SVOP: variants seen among roughly 807,000 people sequenced by gnomAD.
SVOP encodes the protein SV2 related protein.
SVOP carries 17 observed loss-of-function variants against 69.1 expected under a neutral mutation model. The ratio of observed to expected loss-of-function variants is 0.25; its 90% confidence interval spans 0.17 to 0.37. SVOP has a LOEUF of 0.37. Ranked by LOEUF, SVOP falls within the 10% of genes least tolerant of loss-of-function variation. The pLI, the probability that SVOP is intolerant of heterozygous loss-of-function variation, is 1.00. For missense variants in SVOP, 435 were observed against 597.5 expected (o/e 0.73, Z 2.84); for synonymous variants, 238 against 238.6 (o/e 1.00, Z 0.02).
Position 108,972,485 on chromosome 12 carries a change from G to C in SVOP, c.382-9C>G. The C allele has an allele frequency of 6.5e-7, 1 of 1,537,152 alleles. No individual in the cohort carries two copies. On this transcript the variant is annotated splice_polypyrimidine_tract_variant and intron_variant, in intron 4 of 15. Transcript: ENST00000610966. ...ATGCCTACAAAGACCACCTGTGGGG[G>C]GAAAGACAGTTGTCATTAGACAGAG...
At chr12:108,965,335 A>C (rs373172214) in intron 5 of SVOP, among the ~76,000 whole-genome samples, 63 of 152,330 alleles carry the variant, frequency 4.1e-4, no homozygotes, top group African/African-American at 1.5e-3. Context: ...CCAACCTTGA[A>C]TGAGCCACTC....
chr12:108,934,244 C>T lies in SVOP; in HGVS notation c.999G>A (p.Gly333=), dbSNP rs2039842400. The change falls in exon 11 of 16, where the codon GGG becomes GGA. Residue 333 remains glycine (G), a synonymous_variant. Transcript: ENST00000610966. ...AGAGTTCTGTGGTGAGTAGAACTAA[C>T]CCGTAGTAAGAGAATGCATTGGAAA... ...IWFSNAFSYY[G]LVLLTTELFQ... is the part of the protein sequence containing the mutation. 6.2e-7 allele frequency: 1 copy of T among 1,606,412 alleles called. No homozygotes were observed. Among genetic ancestry groups the T allele is most frequent in the Admixed American group, 1.7e-5 (1 of 58,886 alleles).
Position 108,910,226 on chromosome 12 carries a change from T to A in SVOP, c.*2309A>T, listed in dbSNP as rs903749495. 3 of 152,340 alleles carry A rather than the reference T, an allele frequency of 2.0e-5. No individual in the cohort carries two copies. Among genetic ancestry groups the A allele is most frequent in the Non-Finnish European group, 4.4e-5 (3 of 68,152 alleles). 9.4% of individuals were successfully genotyped at this position (152,340 alleles called of 1,614,324 possible). On this transcript the variant is annotated 3_prime_UTR_variant, in exon 16 of 16. Transcript: ENST00000610966. The stretch of plus-strand genomic sequence containing the variant: ...ATCCGCCCGCCTCGGCCTCCAAAAG[T>A]GCTGGGATTATAGGCATGAGCCACC...
At chr12:108,925,423 C>T (rs1452271733) in intron 11 of SVOP, among the ~76,000 whole-genome samples, 1 of 152,194 alleles carries the variant, frequency 6.6e-6, no homozygotes, top group Non-Finnish European at 1.5e-5. Context: ...TCCAACTAGT[C>T]TACCTGCTTC....
chr12:108,977,301 T>C (rs2137433976), intron 4 of SVOP, 97 bp downstream of exon 4: 3 of 1,415,924 alleles, frequency 2.1e-6, no homozygotes, highest in Non-Finnish European at 2.8e-6. Context: ...AATTCTTTTC[T>C]GCTGAGCCTT....
intron 5 of SVOP, among the ~76,000 whole-genome samples, chr12:108,969,344 C>A (rs1457868737): frequency 2.1e-5 from 3 of 144,230 alleles, no homozygotes; most frequent in African/African-American, 5.1e-5. Flanking sequence ...TCCTACCTCG[C>A]TCTCTTTCTC....
At chr12:108,955,831 T>C (rs1005837336) in intron 6 of SVOP, among the ~76,000 whole-genome samples, 1 of 152,188 alleles carries the variant, frequency 6.6e-6, no homozygotes, top group Admixed American at 6.5e-5. Flanking sequence ...TGTCATTTAA[T>C]GACTATTTTA....
At chr12:108,937,557 G>C (rs1233976089) in intron 9 of SVOP, among the ~76,000 whole-genome samples, 2 of 152,134 alleles carry the variant, frequency 1.3e-5, no homozygotes, top group Non-Finnish European at 2.9e-5. Context: ...CCACAGGATG[G>C]ATCTCACGCC....
intron 1 of SVOP, among the ~76,000 whole-genome samples, chr12:109,006,185 T>C (rs11065632): frequency 0.56 from 85,602 of 151,912 alleles, 28,352 homozygotes; most frequent in Middle Eastern, 0.75. Context: ...CCCAAGTAGC[T>C]GGGATTACAG....
At chr12:108,941,174 T>C (rs1420240490) in intron 7 of SVOP, among the ~76,000 whole-genome samples, 1 of 152,128 alleles carries the variant, frequency 6.6e-6, no homozygotes, top group African/African-American at 2.4e-5. Flanking sequence ...GTTAAGGAGA[T>C]CAATGTGACC....
Position 108,960,973 on chromosome 12 carries a change from G to A in SVOP, c.528C>T (p.Ile176=), listed in dbSNP as rs1428312673. The change falls in exon 6 of 16, where the codon ATC becomes ATT. Residue 176 remains isoleucine (I), a synonymous_variant. Coordinates refer to ENST00000610966, the MANE Select transcript of SVOP (RefSeq NM_018711.5). ...LSAFAPVYSW[I]LVLRGLVGFG... is the part of the protein sequence containing the mutation. ...AGCCCACCAGGCCCCGGAGCACCAG[G>A]ATCCAGCTATACACGGGCGCAAATG... 2 of 1,536,954 alleles carry A rather than the reference G, an allele frequency of 1.3e-6. No individual in the cohort carries two copies. The highest frequency in any genetic ancestry group is 1.7e-6 in the Non-Finnish European group (2 of 1,146,840).
chr12:108,994,653 A>G (rs1294078631), intron 1 of SVOP, among the ~76,000 whole-genome samples: 1 of 152,246 alleles, frequency 6.6e-6, no homozygotes, highest in Non-Finnish European at 1.5e-5. Context: ...AAGCTCGCCC[A>G]AGGTCACACA....
chr12:108,965,773 C>T (rs763769449), intron 5 of SVOP, among the ~76,000 whole-genome samples: 43 of 152,204 alleles, frequency 2.8e-4, no homozygotes, highest in Non-Finnish European at 1.3e-4. Context: ...ATTTACAGGT[C>T]GAGGAGGCCC....
intron 1 of SVOP, among the ~76,000 whole-genome samples, chr12:109,002,620 A>G (rs182464576): frequency 0.038 from 5,798 of 151,802 alleles, 703 homozygotes; most frequent in Admixed American, 0.24. Flanking sequence ...ATGGAACACT[A>G]TGCAGCCATA....
chr12:108,994,006 C>T (rs12823676), intron 1 of SVOP, among the ~76,000 whole-genome samples: 1,730 of 152,340 alleles, frequency 0.011, 20 homozygotes, highest in South Asian at 0.03. Flanking sequence ...CCTTTTGTCA[C>T]ATCTTCGCCG....
intron 5 of SVOP, 121 bp from the exon 6 acceptor site, chr12:108,961,168 G>A (rs1168011650): frequency 1.6e-6 from 2 of 1,265,520 alleles, no homozygotes; most frequent in Admixed American, 2.8e-5. Flanking sequence ...AACCAAGGGG[G>A]TACTGGGTTC....
chr12:108,999,421 A>C (rs2040255425), intron 1 of SVOP, among the ~76,000 whole-genome samples: 1 of 148,006 alleles, frequency 6.8e-6, no homozygotes, highest in Non-Finnish European at 1.5e-5. Flanking sequence ...AAAGTCAACA[A>C]GGATACCCAG....
chr12:108,973,662 G>A (rs530608709), intron 4 of SVOP, among the ~76,000 whole-genome samples: 1 of 152,314 alleles, frequency 6.6e-6, no homozygotes, highest in South Asian at 2.1e-4. Flanking sequence ...GCCTCCCACA[G>A]TGCTGGGATT....
intron 1 of SVOP, among the ~76,000 whole-genome samples, chr12:109,008,218 G>A (rs1397650339): frequency 6.6e-6 from 1 of 152,104 alleles, no homozygotes; most frequent in Admixed American, 6.6e-5. Flanking sequence ...TACCCCTGTG[G>A]AACTGATTAA....
Sources: gnomAD v4.1 joint callset for allele counts (sites outside exome capture counted in the v4.1 genomes callset) on GRCh38, gnomAD v4.1.1 for gene constraint, MANE v1.5 for transcripts, NCBI Gene and HGNC (gene_info 2026-07-23, HGNC 2026-07-21) for gene names.